Variants in PRKAR2A observed in about 807,000 individuals in gnomAD.
PRKAR2A encodes cAMP-dependent protein kinase type II-alpha regulatory subunit.
In PRKAR2A, 29 loss-of-function variants were observed where a neutral mutation model predicts 51.9. The observed-to-expected ratio is 0.56, with a 90% CI of 0.42 to 0.76. The LOEUF is 0.76. Ranked by LOEUF, PRKAR2A falls within the 30% of genes least tolerant of loss-of-function variation. The probability of loss-of-function intolerance (pLI) is 0.00; values close to 1 mark genes in which losing one functional copy is unlikely to be tolerated. For synonymous variants in PRKAR2A, 178 were observed against 186.2 expected (o/e 0.96, Z 0.36); for missense variants, 445 against 512.1 (o/e 0.87, Z 1.26).
chr3:48,846,246 C>T (rs533495648), intron 1 of PRKAR2A, among the ~76,000 whole-genome samples: 3 of 146,398 alleles, frequency 2.0e-5, no homozygotes, highest in Non-Finnish European at 4.5e-5. Context: ...AGACGGAGTT[C>T]GCTCTGTCGC....
intron 1 of PRKAR2A, 21 bp from the exon 2 acceptor site, chr3:48,807,705 A>G (rs369823733): frequency 3.1e-6 from 5 of 1,598,872 alleles, no homozygotes; most frequent in Non-Finnish European, 4.3e-6. Context: ...AAGAAGCAAC[A>G]TTTAGTCATT....
At chr3:48,843,458 C>T (rs1244583609) in intron 1 of PRKAR2A, among the ~76,000 whole-genome samples, 3 of 152,092 alleles carry the variant, frequency 2.0e-5, no homozygotes, top group South Asian at 4.1e-4. Context: ...CTACCAATGA[C>T]TTTCTTCACA....
At chr3:48,830,650 A>G (rs1332863141) in intron 1 of PRKAR2A, among the ~76,000 whole-genome samples, 1 of 152,184 alleles carries the variant, frequency 6.6e-6, no homozygotes, top group Admixed American at 6.6e-5. Flanking sequence ...GGATGGTTTC[A>G]GGATGATTCA....
intron 1 of PRKAR2A, among the ~76,000 whole-genome samples, chr3:48,830,002 A>G (rs2083162055): frequency 6.7e-6 from 1 of 149,844 alleles, no homozygotes; most frequent in Non-Finnish European, 1.5e-5. Context: ...GTTTGAAACC[A>G]GCCTGGCTAA....
chr3:48,791,122 A>C (rs2082375985), intron 3 of PRKAR2A, among the ~76,000 whole-genome samples: 1 of 151,890 alleles, frequency 6.6e-6, no homozygotes, highest in East Asian at 1.9e-4. Context: ...CCCTGTCTTT[A>C]CTAAAAATAG....
intron 1 of PRKAR2A, among the ~76,000 whole-genome samples, chr3:48,826,985 G>A (rs2083079266): frequency 6.6e-6 from 1 of 151,974 alleles, no homozygotes; most frequent in African/African-American, 2.4e-5. Flanking sequence ...CTCATTTTAG[G>A]GGCACTAAAC....
At chr3:48,807,935 G>C (rs1422060606) in intron 1 of PRKAR2A, among the ~76,000 whole-genome samples, 3 of 151,818 alleles carry the variant, frequency 2.0e-5, no homozygotes, top group Non-Finnish European at 4.4e-5. Context: ...TTTTATTTCT[G>C]CCCACATCTA....
chr3:48,802,949 G>A (rs1195904322), intron 2 of PRKAR2A, among the ~76,000 whole-genome samples: 2 of 152,214 alleles, frequency 1.3e-5, no homozygotes, highest in African/African-American at 2.4e-5. Flanking sequence ...GGTGGATACC[G>A]TAAACTCACA....
chr3:48,826,708 GA>G (rs2083074116), intron 1 of PRKAR2A, among the ~76,000 whole-genome samples: 1 of 151,900 alleles, frequency 6.6e-6, no homozygotes, highest in Non-Finnish European at 1.5e-5. Context: ...ACTCAGTTAT[GA>G]TCCAAAAGGC....
At chr3:48,816,208 A>C (rs2082872409) in intron 1 of PRKAR2A, among the ~76,000 whole-genome samples, 1 of 152,086 alleles carries the variant, frequency 6.6e-6, no homozygotes, top group Admixed American at 6.6e-5. Context: ...TCTTCCAGGC[A>C]GTTCCTATAT....
chr3:48,755,345 C>T (rs181205447), intron 9 of PRKAR2A, among the ~76,000 whole-genome samples: 91 of 151,812 alleles, frequency 6.0e-4, no homozygotes, highest in Non-Finnish European at 6.6e-4. Flanking sequence ...CATATTAACT[C>T]GACTTAGTAT....
At chr3:48,795,157 T>C (rs2082470205) in intron 2 of PRKAR2A, among the ~76,000 whole-genome samples, 1 of 152,104 alleles carries the variant, frequency 6.6e-6, no homozygotes, top group Non-Finnish European at 1.5e-5. Flanking sequence ...TCTTTATTTT[T>C]AGTAGAGACA....
In PRKAR2A at chr3:48,847,265, G is replaced by A. The variant is rs898554623; in HGVS notation, c.262+70C>T. ...CGGCTTGGCTGCGGCGCGACACCTG[G>A]CTCCCTGCCACCCCTCTAGACCTCT... On this transcript the variant is annotated intron_variant, in intron 1 of 10. Coordinates refer to ENST00000265563, the MANE Select transcript of PRKAR2A (RefSeq NM_004157.4). This position sits in a 1 kb window ranked among gnomAD's most constrained non-coding sequence, Gnocchi z 4.4. The A allele has an allele frequency of 1.4e-5, 21 of 1,534,510 alleles. No homozygotes were observed. The highest frequency in any genetic ancestry group is 1.2e-5 in the Non-Finnish European group (14 of 1,134,688).
chr3:48,812,923 C>A (rs2082800176), intron 1 of PRKAR2A, among the ~76,000 whole-genome samples: 1 of 152,150 alleles, frequency 6.6e-6, no homozygotes, highest in South Asian at 2.1e-4. Context: ...AAAAGCTTCT[C>A]TAAACTTGTG....
intron 5 of PRKAR2A, among the ~76,000 whole-genome samples, chr3:48,776,467 A>G (rs2082106567): frequency 6.6e-6 from 1 of 152,190 alleles, no homozygotes; most frequent in South Asian, 2.1e-4. Context: ...TTCTATATAT[A>G]TCATGGAGTC....
chr3:48,829,007 A>G lies in PRKAR2A; in HGVS notation c.262+18328T>C, dbSNP rs535819854. Among the ~76,000 whole-genome samples, 54 of 151,618 alleles carry G rather than the reference A, an allele frequency of 3.6e-4. No individual in the cohort carries two copies. The East Asian group carries it at 0.011, about 30-fold the overall frequency. ...TATCACCACACCCGGCTAATTTTTT[A>G]TATTTTTTGGTAGAGACGGGGTTTC... On this transcript the variant is annotated intron_variant, in intron 1 of 10. Coordinates refer to ENST00000265563, the MANE Select transcript of PRKAR2A (RefSeq NM_004157.4).
intron 1 of PRKAR2A, among the ~76,000 whole-genome samples, chr3:48,814,482 G>C (rs1447607598): frequency 6.6e-6 from 1 of 152,158 alleles, no homozygotes; most frequent in Non-Finnish European, 1.5e-5. Context: ...GTCACTGAGT[G>C]GGATATTCAA....
At chr3:48,769,820 C>T (rs1490612739) in intron 6 of PRKAR2A, among the ~76,000 whole-genome samples, 1 of 151,964 alleles carries the variant, frequency 6.6e-6, no homozygotes, top group Non-Finnish European at 1.5e-5. Flanking sequence ...TGTCACTCAG[C>T]AGGCTGGAGT....
chr3:48,824,870 C>T (rs762187264), intron 1 of PRKAR2A, among the ~76,000 whole-genome samples: 2 of 151,142 alleles, frequency 1.3e-5, no homozygotes, highest in South Asian at 2.1e-4. Context: ...CACTTGAACC[C>T]GGGAGGCGGA....
Sources: allele counts gnomAD v4.1 joint callset (sites outside exome capture counted in the v4.1 genomes callset), GRCh38; gene constraint gnomAD v4.1.1; non-coding constraint Gnocchi (gnomAD v3.1); transcripts MANE v1.5; gene names NCBI Gene and HGNC (gene_info 2026-07-23, HGNC 2026-07-21).